Variants in ZNHIT1 observed in about 807,000 individuals in gnomAD.
ZNHIT1 encodes the protein zinc finger HIT-type containing 1.
Under a neutral mutation model 21.4 loss-of-function variants are expected in ZNHIT1, and 20 were observed. The observed-to-expected ratio is 0.93, with a 90% CI of 0.66 to 1.36. The LOEUF is 1.36. Ranked by LOEUF, ZNHIT1 falls within the 40% of genes most tolerant of loss-of-function variation. ZNHIT1 has a pLI of 0.00. For missense variants in ZNHIT1, 170 were observed against 213.5 expected (o/e 0.80, Z 1.27); for synonymous variants, 79 against 84.0 (o/e 0.94, Z 0.32).
At position 101,222,709 on chromosome 7, in the gene ZNHIT1, AC is replaced by A. The variant is rs762932699; in HGVS notation, c.133del (p.His45ThrfsTer49). The A allele has an allele frequency of 1.9e-6, 3 of 1,614,074 alleles. No homozygotes were observed. In the Admixed American group the frequency reaches 5.0e-5, roughly 27 times the overall value. On this transcript the variant is annotated frameshift_variant, in exon 2 of 5. Coordinates refer to ENST00000305105, the MANE Select transcript of ZNHIT1 (RefSeq NM_006349.3). LOFTEE classifies it high-confidence loss of function. The stretch of plus-strand genomic sequence containing the variant: ...CTGGAGAATGACAACTTCCAGGATG[AC>A]CCCCACGCGGGACTCCCTCAGCTCG... ...EALENDNFQD[D>X]PHAGLPQLGK...
intron 1 of ZNHIT1, 81 bp downstream of exon 1, chr7:101,218,298 T>G (rs138796938): frequency 1.6e-5 from 24 of 1,512,466 alleles, no homozygotes; most frequent in Non-Finnish European, 2.1e-5. Context: ...TCCTCTTTTT[T>G]GGTCTCGCTC....
At chr7:101,222,451 G>A (rs1347463268) in intron 1 of ZNHIT1, 153 bp from the exon 2 acceptor site, 8 of 861,944 alleles carry the variant, frequency 9.3e-6, no homozygotes, top group Middle Eastern at 3.7e-4. Context: ...GGCTTGGCCC[G>A]GGAGGAGACA....
At chr7:101,218,404 G>C (rs766872694) in intron 1 of ZNHIT1, 187 bp downstream of exon 1, 4 of 631,068 alleles carry the variant, frequency 6.3e-6, no homozygotes, top group African/African-American at 1.9e-5. Context: ...CTCCGGAGTG[G>C]CTGGAACTGC....
At chr7:101,218,251 T>A in intron 1 of ZNHIT1, 34 bp downstream of exon 1, 1 of 1,602,420 alleles carries the variant, frequency 6.2e-7, no homozygotes, top group South Asian at 1.1e-5. Flanking sequence ...CCCCTTCCCC[T>A]TCCCAAGTCA....
intron 1 of ZNHIT1, 123 bp downstream of exon 1, chr7:101,218,340 C>A (rs1798319290): frequency 9.4e-7 from 1 of 1,067,758 alleles, no homozygotes; most frequent in South Asian, 1.5e-5. Flanking sequence ...GTGGCATAGT[C>A]ATAGCTCACT....
chr7:101,222,079 G>A (rs1376830757), intron 1 of ZNHIT1: 1 of 153,720 alleles, frequency 6.5e-6, no homozygotes, highest in African/African-American at 2.4e-5. Context: ...GATGGGAGAG[G>A]GAGGGAATGG....
Position 101,224,100 on chromosome 7 carries a change from T to C in ZNHIT1, c.*142T>C. ...TCACCCAACAAAACTGTGTCTTATC[T>C]GCCAGGAAAGACCAGCCTCACTCCT... On this transcript the variant is annotated 3_prime_UTR_variant, in exon 5 of 5. Transcript: ENST00000305105. 7.5e-7 allele frequency: 1 copy of C among 1,329,818 alleles called. No homozygotes were observed. The highest frequency in any genetic ancestry group is 1.0e-6 in the Non-Finnish European group (1 of 953,532). 82.4% of individuals were successfully genotyped at this position (1,329,818 alleles called of 1,614,324 possible).
At chr7:101,223,237 C>T (rs892099473) in intron 2 of ZNHIT1, among the ~76,000 whole-genome samples, 1 of 152,142 alleles carries the variant, frequency 6.6e-6, no homozygotes, top group Non-Finnish European at 1.5e-5. Flanking sequence ...ATTAGCCAGG[C>T]ATGGTGGTGG....
chr7:101,220,383 A>G (rs1465656417), intron 1 of ZNHIT1: 1 of 151,842 alleles, frequency 6.6e-6, no homozygotes, highest in African/African-American at 2.4e-5. Flanking sequence ...TGGCCTCCCA[A>G]AGTGCTGAGA....
At chr7:101,221,237 T>G (rs1228984569) in intron 1 of ZNHIT1, 1 of 146,436 alleles carries the variant, frequency 6.8e-6, no homozygotes, top group Non-Finnish European at 1.5e-5. Flanking sequence ...TTTTTTTTTT[T>G]GGAGACAGTC....
chr7:101,223,970 C>T lies in ZNHIT1; in HGVS notation c.*12C>T. 6.2e-7 allele frequency: 1 copy of T among 1,614,176 alleles called. No individual in the cohort carries two copies. ...AGTGGACTGTGTGAGCCTGGGCATT[C>T]CCAGAGAGGAAGGGCCGCTGTGCAC... On this transcript the variant is annotated 3_prime_UTR_variant, in exon 5 of 5. Coordinates refer to ENST00000305105, the MANE Select transcript of ZNHIT1 (RefSeq NM_006349.3).
rs766480095 is a variant in ZNHIT1 at position 101,223,876 on chromosome 7, C to T, written c.443+34C>T. On this transcript the variant is annotated intron_variant, in intron 4 of 4. Transcript: ENST00000305105. ...GAGACCTGCTGTCCACTCCCACTCC[C>T]TCCTTCCCACAGCCTCCCCAGACCT... 2.5e-5 allele frequency: 40 copies of T among 1,614,122 alleles called. 2 individuals carry two copies. The South Asian group carries it at 4.0e-4, about 16-fold the overall frequency.
In ZNHIT1 at chr7:101,222,585, C is replaced by T. The variant is rs74662330; in HGVS notation, c.23-19C>T. 89,169 of 1,599,294 alleles carry T rather than the reference C, an allele frequency of 0.056. 2,826 individuals carry two copies. Among genetic ancestry groups the T allele is most frequent in the African/African-American group, 0.11 (7,903 of 74,486 alleles). ...CTTTCTTGGAAGCCCTGTAACTTTGCGTGCCCTGCTCCATCCAGTTCGCTC... is the reference window on the plus strand; with the variant it reads ...CTTTCTTGGAAGCCCTGTAACTTTGTGTGCCCTGCTCCATCCAGTTCGCTC... On this transcript the variant is annotated intron_variant, in intron 1 of 4. Transcript: ENST00000305105.
chr7:101,224,080 C>A lies in ZNHIT1; in HGVS notation c.*122C>A. 1 of 1,459,366 alleles carries A rather than the reference C, an allele frequency of 6.9e-7. No individual in the cohort carries two copies. Among genetic ancestry groups the A allele is most frequent in the East Asian group, 2.3e-5 (1 of 44,044 alleles). The allele number at this position is 1,459,366 out of a possible 1,614,324, so 90.4% of individuals were successfully genotyped here. On this transcript the variant is annotated 3_prime_UTR_variant, in exon 5 of 5. Coordinates refer to ENST00000305105, the MANE Select transcript of ZNHIT1 (RefSeq NM_006349.3). ...CCAAGGGAGGAGCCGCTCATTCACC[C>A]AACAAAACTGTGTCTTATCTGCCAG...
chr7:101,223,724 C>T lies in ZNHIT1; in HGVS notation c.325C>T (p.Pro109Ser). The change falls in exon 4 of 5, where the codon CCA (proline) becomes TCA (serine). Residue 109 changes from proline (P) to serine (S), a missense_variant. Pro to Ser is a moderately conservative substitution (Grantham distance 74). Coordinates refer to ENST00000305105, the MANE Select transcript of ZNHIT1 (RefSeq NM_006349.3). ...CTACCTGACGGCCTGTGCGGGACCC[C>T]CATCGCGGCCCCAGCGCCCCTTCTG... ...PNYLTACAGP[P>S]SRPQRPFCAV... 1 of 1,613,248 alleles carries T rather than the reference C, an allele frequency of 6.2e-7. No homozygotes were observed. Among genetic ancestry groups the T allele is most frequent in the Non-Finnish European group, 8.5e-7 (1 of 1,179,678 alleles).
At chr7:101,221,294 G>C (rs1218546252) in intron 1 of ZNHIT1, 2 of 148,772 alleles carry the variant, frequency 1.3e-5, no homozygotes, top group Non-Finnish European at 3.0e-5. Flanking sequence ...ACGGCTTGCT[G>C]CACACTGCAG....
At chr7:101,218,256 A>G (rs768898870) in intron 1 of ZNHIT1, 39 bp downstream of exon 1, 4 of 1,598,470 alleles carry the variant, frequency 2.5e-6, no homozygotes, top group Non-Finnish European at 3.4e-6. Context: ...TCCCCTTCCC[A>G]AGTCAGTCCT....
chr7:101,223,508 T>C lies in ZNHIT1; in HGVS notation c.225T>C (p.His75=), dbSNP rs765885445. ...AAAAGAAGAAAACCCGAGGTGATCA[T>C]TTTAAACTTCGCTTCCGAAAAAACT... ...GKKKKKTRGD[H]FKLRFRKNFQ... is the part of the protein sequence containing the mutation. Residue 75 remains histidine, a synonymous_variant, in exon 3 of 5, where the codon CAT becomes CAC. Transcript: ENST00000305105. The C allele has an allele frequency of 6.2e-7, 1 of 1,614,178 alleles. No homozygotes were observed. Among genetic ancestry groups the C allele is most frequent in the Non-Finnish European group, 8.5e-7 (1 of 1,180,018 alleles).
intron 1 of ZNHIT1, chr7:101,218,475 A>G (rs1047134588): frequency 2.8e-5 from 14 of 507,020 alleles, no homozygotes; most frequent in East Asian, 6.6e-5. Flanking sequence ...GGCTCTCGCT[A>G]TGTTGCCCAG....
Sources: gnomAD v4.1 joint callset for allele counts (sites outside exome capture counted in the v4.1 genomes callset) on GRCh38, gnomAD v4.1.1 for gene constraint, MANE v1.5 for transcripts, NCBI Gene and HGNC (gene_info 2026-07-23, HGNC 2026-07-21) for gene names.